GUCY1A2: variants seen among roughly 807,000 people sequenced by gnomAD.
The protein encoded by GUCY1A2 is guanylate cyclase 1 soluble subunit alpha 2, also known as guanylate cyclase soluble subunit alpha-2.
GUCY1A2 carries 27 observed loss-of-function variants against 63.5 expected under a neutral mutation model. The ratio of observed to expected loss-of-function variants is 0.43; its 90% CI spans 0.31 to 0.59. The LOEUF is 0.59. Ranked by LOEUF, GUCY1A2 falls within the 20% of genes least tolerant of loss-of-function variation. The pLI is 0.11. For missense variants in GUCY1A2, 768 were observed against 913.3 expected (o/e 0.84, Z 2.05); for synonymous variants, 364 against 343.5 (o/e 1.06, Z -0.66).
At chr11:106,972,726 A>G (rs1861211981) in intron 3 of GUCY1A2, among the ~76,000 whole-genome samples, 1 of 152,108 alleles carries the variant, frequency 6.6e-6, no homozygotes, top group South Asian at 2.1e-4. Context: ...ATTCCACTCA[A>G]TATCCAATAA....
intron 6 of GUCY1A2, among the ~76,000 whole-genome samples, chr11:106,742,410 G>C (rs1462530566): frequency 6.6e-6 from 1 of 152,132 alleles, no homozygotes; most frequent in African/African-American, 2.4e-5. Context: ...TCATCATTCA[G>C]CTCCCACTTA....
At chr11:106,824,850 A>G in intron 4 of GUCY1A2, 1 of 1,611,426 alleles carries the variant, frequency 6.2e-7, no homozygotes, top group Non-Finnish European at 8.5e-7. Context: ...TGATAAAAAG[A>G]TGGAGGAAAA....
chr11:107,012,055 T>C (rs1861753452), intron 1 of GUCY1A2, among the ~76,000 whole-genome samples: 2 of 152,174 alleles, frequency 1.3e-5, no homozygotes. Context: ...CAAATATATA[T>C]GTCCTTGTAT....
At chr11:106,716,768 CAAAAAAAAAAAAA>C (rs56999589) in intron 6 of GUCY1A2, among the ~76,000 whole-genome samples, 1 of 55,300 alleles carries the variant, frequency 1.8e-5, no homozygotes, top group Non-Finnish European at 3.2e-5. Context: ...GACTCCGTCT[CAAAAAAAAAAAAA>C]AAAAAAAAAA....
chr11:107,012,623 T>C (rs1484663750), intron 1 of GUCY1A2, among the ~76,000 whole-genome samples: 2 of 152,296 alleles, frequency 1.3e-5, no homozygotes, highest in East Asian at 3.9e-4. Context: ...ACTCCAAAAC[T>C]TTGTGCTTTC....
At chr11:106,835,225 G>A (rs1203415453) in intron 4 of GUCY1A2, among the ~76,000 whole-genome samples, 1 of 151,318 alleles carries the variant, frequency 6.6e-6, no homozygotes, top group Non-Finnish European at 1.5e-5. Flanking sequence ...AACTGATGAG[G>A]GATATTTGGA....
At chr11:106,861,117 A>G (rs1467107616) in intron 4 of GUCY1A2, among the ~76,000 whole-genome samples, 7 of 151,872 alleles carry the variant, frequency 4.6e-5, no homozygotes, top group Non-Finnish European at 7.4e-5. Flanking sequence ...TTAGATATAA[A>G]TGGTCTCCAC....
At chr11:106,968,959 C>T (rs1861161040) in intron 3 of GUCY1A2, among the ~76,000 whole-genome samples, 1 of 152,054 alleles carries the variant, frequency 6.6e-6, no homozygotes, top group Non-Finnish European at 1.5e-5. Context: ...GAAAAGAGCA[C>T]TCCAAAACAC....
At chr11:106,931,160 T>C (rs1565335348) in intron 4 of GUCY1A2, among the ~76,000 whole-genome samples, 1 of 152,204 alleles carries the variant, frequency 6.6e-6, no homozygotes, top group Non-Finnish European at 1.5e-5. Context: ...TTTAATACAA[T>C]TTATTAATAG....
At chr11:107,012,495 T>C (rs1193869481) in intron 1 of GUCY1A2, among the ~76,000 whole-genome samples, 1 of 152,148 alleles carries the variant, frequency 6.6e-6, no homozygotes, top group Non-Finnish European at 1.5e-5. Context: ...AAGGTAGTTG[T>C]TATTCCTAAT....
intron 5 of GUCY1A2, among the ~76,000 whole-genome samples, chr11:106,806,415 G>C (rs1370288467): frequency 6.6e-6 from 1 of 152,132 alleles, no homozygotes; most frequent in African/African-American, 2.4e-5. Context: ...ATCAGAGAAA[G>C]GCAAAGTCTT....
At chr11:106,909,382 T>TGTGTGC (rs951952785) in intron 4 of GUCY1A2, among the ~76,000 whole-genome samples, 1 of 150,698 alleles carries the variant, frequency 6.6e-6, no homozygotes, top group Non-Finnish European at 1.5e-5. Context: ...TGTGTGTGTG[T>TGTGTGC]GTGTGTGTAC....
intron 7 of GUCY1A2, among the ~76,000 whole-genome samples, chr11:106,692,039 G>T (rs1454286321): frequency 6.6e-6 from 1 of 152,096 alleles, no homozygotes. Flanking sequence ...GCAATCAAAT[G>T]TATACAAGGA....
chr11:106,994,531 C>A (rs1021464226), intron 1 of GUCY1A2, among the ~76,000 whole-genome samples: 1 of 152,222 alleles, frequency 6.6e-6, no homozygotes, highest in African/African-American at 2.4e-5. Context: ...CTTCGGTTTG[C>A]ATAACACATT....
chr11:106,715,503 C>T (rs1192336975), intron 6 of GUCY1A2, among the ~76,000 whole-genome samples: 2 of 152,192 alleles, frequency 1.3e-5, no homozygotes, highest in African/African-American at 4.8e-5. Context: ...GCCCATCAGA[C>T]TTAATCAGAT....
intron 4 of GUCY1A2, among the ~76,000 whole-genome samples, chr11:106,843,626 AG>A (rs1859231231): frequency 6.6e-6 from 1 of 151,886 alleles, no homozygotes; most frequent in African/African-American, 2.4e-5. Context: ...TTATTGATAA[AG>A]GTTCTACTTC....
chr11:106,832,279 T>C (rs1859062009), intron 4 of GUCY1A2, among the ~76,000 whole-genome samples: 1 of 152,174 alleles, frequency 6.6e-6, no homozygotes, highest in Admixed American at 6.6e-5. Context: ...AATCTCAGTG[T>C]TCACAAGCAG....
At chr11:106,753,735 C>A (rs981983674) in intron 6 of GUCY1A2, among the ~76,000 whole-genome samples, 1 of 152,126 alleles carries the variant, frequency 6.6e-6, no homozygotes, top group African/African-American at 2.4e-5. Flanking sequence ...GCTACCAGTA[C>A]CATGCTGTTT....
intron 1 of GUCY1A2, among the ~76,000 whole-genome samples, chr11:106,994,256 G>C (rs1229600071): frequency 6.6e-6 from 1 of 152,108 alleles, no homozygotes; most frequent in African/African-American, 2.4e-5. Flanking sequence ...AATCAATATT[G>C]TAATTAAGTC....
Sources: gnomAD v4.1 joint callset for allele counts (sites outside exome capture counted in the v4.1 genomes callset) on GRCh38, gnomAD v4.1.1 for gene constraint, MANE v1.5 for transcripts, NCBI Gene and HGNC (gene_info 2026-07-23, HGNC 2026-07-21) for gene names.